The following TBC1D16 variants were observed in gnomAD, a reference collection of about 807,000 sequenced individuals.
The protein encoded by TBC1D16 is CTD-2529O21.1.
In TBC1D16, 58 loss-of-function variants were observed where a neutral mutation model predicts 74.7. That is an observed-to-expected ratio of 0.78 (90% CI 0.63 to 0.97). The LOEUF is 0.97. Among genes scored for constraint, TBC1D16 ranks in the 50% least tolerant of loss-of-function variants. The pLI, the probability that TBC1D16 is intolerant of heterozygous loss-of-function variation, is 0.00. For synonymous variants in TBC1D16, 493 were observed against 474.7 expected (o/e 1.04, Z -0.50); for missense variants, 1,014 against 1,079.5 (o/e 0.94, Z 0.85).
At position 79,940,952 on chromosome 17, in the gene TBC1D16, G is replaced by C. The variant is rs767574860; in HGVS notation, c.2211C>G (p.Tyr737Ter). The C allele has an allele frequency of 6.2e-7, 1 of 1,602,770 alleles. No individual in the cohort carries two copies. The highest frequency in any genetic ancestry group is 8.5e-7 in the Non-Finnish European group (1 of 1,175,262). Residue 737 changes from tyrosine to a stop codon, truncating the protein, a stop_gained, in exon 12 of 12, where the codon TAC becomes TAG. Coordinates refer to ENST00000310924, the MANE Select transcript of TBC1D16 (RefSeq NM_019020.4). LOFTEE classifies it high-confidence loss of function. This position sits in a 1 kb window ranked among gnomAD's most constrained non-coding sequence, Gnocchi z 5.4. ...GHHPGSESCP[Y>*]GGTVEMPSPK... ...GGGAAGGCATCTCCACCGTGCCCCC[G>C]TAGGGACAGCTCTCCGAGCCGGGAT... is the stretch of plus-strand genomic sequence containing the variant.
In TBC1D16 at chr17:79,988,216, A is replaced by ACCAGC. The variant is rs1167946713; in HGVS notation, c.779+21939_779+21943dup. Among the ~76,000 whole-genome samples, 1 of 152,162 alleles carries ACCAGC rather than the reference A, an allele frequency of 6.6e-6. No individual in the cohort carries two copies. The highest frequency in any genetic ancestry group is 2.4e-5 in the African/African-American group (1 of 41,452). On this transcript the variant is annotated intron_variant, in intron 3 of 11. Coordinates refer to ENST00000310924, the MANE Select transcript of TBC1D16 (RefSeq NM_019020.4). This position sits in a 1 kb window ranked among gnomAD's most constrained non-coding sequence, Gnocchi z 5.7. Reference sequence around the variant, plus strand: ...CTACCTGGGAGGTGCTTGCCTGGCCACCAGCCAGGGCCGTGGCTCCTCGGC... The same window carrying ACCAGC: ...CTACCTGGGAGGTGCTTGCCTGGCCACCAGCCCAGCCAGGGCCGTGGCTCCTCGGC...
At chr17:80,003,981 G>A (rs529633211) in intron 3 of TBC1D16, among the ~76,000 whole-genome samples, 4 of 152,242 alleles carry the variant, frequency 2.6e-5, no homozygotes, top group Non-Finnish European at 5.9e-5. Flanking sequence ...CCCGGGAGGT[G>A]GAGGCTGCAG....
chr17:79,974,859 G>A (rs902669350), intron 3 of TBC1D16, among the ~76,000 whole-genome samples: 20 of 152,158 alleles, frequency 1.3e-4, no homozygotes, highest in African/African-American at 4.8e-4. Flanking sequence ...GGAGTTTGTG[G>A]AATAGGTTCA....
rs1339635722 is a variant in TBC1D16 at position 79,956,705 on chromosome 17, G to A, written c.780-3887C>T. ...GAGCTGTGGTTCTCAAGGTTACCAG[G>A]GCCAGATTTTAGCATTATTTAAAAT... On this transcript the variant is annotated intron_variant, in intron 3 of 11. Coordinates refer to ENST00000310924, the MANE Select transcript of TBC1D16 (RefSeq NM_019020.4). The surrounding 1 kb of genome is among the most constrained non-coding windows in gnomAD (Gnocchi z 4.0). Among the ~76,000 whole-genome samples, 1 of 152,048 alleles carries A rather than the reference G, an allele frequency of 6.6e-6. No individual in the cohort carries two copies. Among genetic ancestry groups the A allele is most frequent in the African/African-American group, 2.4e-5 (1 of 41,378 alleles).
At position 80,035,628 on chromosome 17, in the gene TBC1D16, A is replaced by G. The variant is rs923111893; in HGVS notation, c.-63+167T>C. ...GCTCCTGCTGGCGCCCCGCACCCCG[A>G]GGACGGCGGCCGGACCCCGGCCCCT... On this transcript the variant is annotated intron_variant, in intron 1 of 11. Transcript: ENST00000310924. This position sits in a 1 kb window ranked among gnomAD's most constrained non-coding sequence, Gnocchi z 5.3. Among the ~76,000 whole-genome samples, 4 of 151,004 alleles carry G rather than the reference A, an allele frequency of 2.6e-5. No homozygotes were observed. Among genetic ancestry groups the G allele is most frequent in the African/African-American group, 9.7e-5 (4 of 41,250 alleles).
At chr17:79,991,717 GC>G (rs1296565857) in intron 3 of TBC1D16, among the ~76,000 whole-genome samples, 5 of 147,148 alleles carry the variant, frequency 3.4e-5, no homozygotes, top group African/African-American at 1.2e-4. Context: ...GCGGGGCGGG[GC>G]GGGGAGGGGG....
chr17:79,982,629 G>A (rs1174432951), intron 3 of TBC1D16, among the ~76,000 whole-genome samples: 1 of 150,758 alleles, frequency 6.6e-6, no homozygotes, highest in Non-Finnish European at 1.5e-5. Context: ...GAGGCAGGTG[G>A]ATCACCTGAG....
In TBC1D16 at chr17:80,008,403, A is replaced by G. The variant is rs2035756839; in HGVS notation, c.779+1757T>C. On this transcript the variant is annotated intron_variant, in intron 3 of 11. Coordinates refer to ENST00000310924, the MANE Select transcript of TBC1D16 (RefSeq NM_019020.4). The surrounding 1 kb of genome is among the most constrained non-coding windows in gnomAD (Gnocchi z 4.5). ...TACGAGATGGGGCTGCGGGACAGAG[A>G]GCTGACCGGCCAGCTTCTGGTTGTG... Among the ~76,000 whole-genome samples the G allele has an allele frequency of 1.3e-5, 2 of 151,978 alleles. No homozygotes were observed. The highest frequency in any genetic ancestry group is 2.9e-5 in the Non-Finnish European group (2 of 67,992).
At chr17:79,973,438 A>G (rs371348794) in intron 3 of TBC1D16, among the ~76,000 whole-genome samples, 28 of 152,266 alleles carry the variant, frequency 1.8e-4, no homozygotes, top group East Asian at 1.2e-3. Flanking sequence ...GTCTGGGCGC[A>G]GTGGCTTACG....
chr17:79,945,705 C>A (rs1357080874), intron 9 of TBC1D16, among the ~76,000 whole-genome samples: 1 of 152,248 alleles, frequency 6.6e-6, no homozygotes, highest in African/African-American at 2.4e-5. Context: ...GTCACCCAGC[C>A]ATGCGCTGCC....
intron 3 of TBC1D16, among the ~76,000 whole-genome samples, chr17:79,997,496 G>A (rs1426297038): frequency 1.3e-5 from 2 of 152,146 alleles, no homozygotes; most frequent in Non-Finnish European, 2.9e-5. Flanking sequence ...CACAAACCAT[G>A]GCCCGAGGGC....
chr17:79,940,768 CCT>C lies in TBC1D16; in HGVS notation c.*89_*90del, dbSNP rs1598305367. On this transcript the variant is annotated 3_prime_UTR_variant, in exon 12 of 12. Coordinates refer to ENST00000310924, the MANE Select transcript of TBC1D16 (RefSeq NM_019020.4). This position sits in a 1 kb window ranked among gnomAD's most constrained non-coding sequence, Gnocchi z 5.4. ...CATTTTCCTTAGGTTTCTACCGTCC[CCT>C]GTCCCCTTCACGCCCAGCCCCACCC... 4 of 1,394,768 alleles carry C rather than the reference CCT, an allele frequency of 2.9e-6. No homozygotes were observed. Among genetic ancestry groups the C allele is most frequent in the African/African-American group, 1.4e-5 (1 of 69,104 alleles). 86.4% of individuals were successfully genotyped at this position (1,394,768 alleles called of 1,614,324 possible). A position where few individuals can be genotyped will look rare whatever the true frequency, so the allele number is the denominator to read the frequency against.
intron 2 of TBC1D16, among the ~76,000 whole-genome samples, 156 bp downstream of exon 2, chr17:80,013,211 C>A (rs889398241): frequency 6.6e-6 from 1 of 152,240 alleles, no homozygotes; most frequent in Non-Finnish European, 1.5e-5. Context: ...TAACACCCCC[C>A]AGACCCTCCT....
chr17:79,948,664 C>T (rs2143631547), intron 8 of TBC1D16, among the ~76,000 whole-genome samples: 1 of 152,184 alleles, frequency 6.6e-6, no homozygotes, highest in Non-Finnish European at 1.5e-5. Context: ...TGGGCAGGGA[C>T]CTGGGTGGCT....
At chr17:79,995,614 T>G (rs1400433862) in intron 3 of TBC1D16, among the ~76,000 whole-genome samples, 1 of 144,218 alleles carries the variant, frequency 6.9e-6, no homozygotes, top group Non-Finnish European at 1.5e-5. Context: ...TGAAACCCCG[T>G]CTCTACTAAA....
At chr17:80,003,742 G>A (rs1465645297) in intron 3 of TBC1D16, among the ~76,000 whole-genome samples, 1 of 152,154 alleles carries the variant, frequency 6.6e-6, no homozygotes, top group Non-Finnish European at 1.5e-5. Context: ...ACTGACCACA[G>A]GCGCTATCCA....
intron 1 of TBC1D16, among the ~76,000 whole-genome samples, chr17:80,029,892 G>A (rs1414598508): frequency 6.6e-6 from 1 of 152,132 alleles, no homozygotes; most frequent in African/African-American, 2.4e-5. Flanking sequence ...CTAAGGGAGA[G>A]TCTGTTTTCT....
In TBC1D16 at chr17:79,937,785, C is replaced by G. The variant is rs1254708262; in HGVS notation, c.*3074G>C. ...CCCTGGCGGGACCTTCCAGGGCTGG[C>G]AAGCATCGAGCCTGACCACGTTGCC... is the stretch of plus-strand genomic sequence containing the variant. On this transcript the variant is annotated 3_prime_UTR_variant, in exon 12 of 12. Coordinates refer to ENST00000310924, the MANE Select transcript of TBC1D16 (RefSeq NM_019020.4). 2.0e-5 allele frequency: 3 copies of G among 152,290 alleles called. No individual in the cohort carries two copies. Among genetic ancestry groups the G allele is most frequent in the Non-Finnish European group, 4.4e-5 (3 of 68,082 alleles). 9.4% of individuals were successfully genotyped at this position (152,290 alleles called of 1,614,324 possible).
chr17:80,026,990 G>A (rs2036602129), intron 1 of TBC1D16, among the ~76,000 whole-genome samples: 1 of 138,308 alleles, frequency 7.2e-6, no homozygotes, highest in Admixed American at 6.7e-5. Flanking sequence ...CAAAATGAGT[G>A]AACACTGGAA....
Sources: gnomAD v4.1 joint callset for allele counts (sites outside exome capture counted in the v4.1 genomes callset) on GRCh38, gnomAD v4.1.1 for gene constraint, Gnocchi (gnomAD v3.1) non-coding constraint, MANE v1.5 for transcripts, NCBI Gene and HGNC (gene_info 2026-07-23, HGNC 2026-07-21) for gene names.